Variants in IGFN1 observed in about 807,000 individuals in gnomAD.
IGFN1 encodes the protein immunoglobulin like and fibronectin type III domain containing 1.
In IGFN1, 253 loss-of-function variants were observed where a neutral mutation model predicts 289.5. The observed-to-expected ratio is 0.87, with a 90% CI of 0.79 to 0.97. The LOEUF is 0.97. IGFN1 is among the 50% of genes least tolerant of loss of function. The probability of loss-of-function intolerance (pLI) is 0.00; values close to 1 mark genes in which losing one functional copy is unlikely to be tolerated. For missense variants in IGFN1, 4,470 were observed against 4,686.1 expected, an observed-to-expected ratio of 0.95 and a Z score of 1.35; for synonymous variants, 1,706 against 1,788.5, an observed-to-expected ratio of 0.95 and a Z score of 1.16.
intron 23 of IGFN1, among the ~76,000 whole-genome samples, chr1:201,227,866 T>A (rs6692583): frequency 0.64 from 97,650 of 152,148 alleles, 33,064 homozygotes; most frequent in African/African-American, 0.87. Flanking sequence ...GCATCCGTAT[T>A]GCTGTTTCTT....
chr1:201,224,332 G>A (rs1653940941), intron 20 of IGFN1, among the ~76,000 whole-genome samples: 1 of 152,108 alleles, frequency 6.6e-6, no homozygotes, highest in Non-Finnish European at 1.5e-5. Flanking sequence ...AACTCATTAT[G>A]CTTTCCTGCT....
In IGFN1 at chr1:201,209,884, G is replaced by C; in HGVS notation, c.4991G>C (p.Gly1664Ala). 2.0e-6 allele frequency: 3 copies of C among 1,473,686 alleles called. No individual in the cohort carries two copies. Among genetic ancestry groups the C allele is most frequent in the Non-Finnish European group, 2.7e-6 (3 of 1,104,048 alleles). The allele number at this position is 1,473,686 out of a possible 1,614,324, so 91.3% of individuals were successfully genotyped here. A position where few individuals can be genotyped will look rare whatever the true frequency, so the allele number is the denominator to read the frequency against. Residue 1664 changes from glycine (G) to alanine (A), a missense_variant, in exon 12 of 24, where the codon GGG becomes GCG. Coordinates refer to ENST00000335211, the MANE Select transcript of IGFN1 (RefSeq NM_001164586.2). ...AGFRDGLGSS[G>A]EMGSMDEAGY... ...TTTAGGGATGGTTTAGGGAGTTCTG[G>C]GGAAATGGGGTCAATGGATGAGGCA...
intron 10 of IGFN1, among the ~76,000 whole-genome samples, chr1:201,204,149 C>T (rs1667290793): frequency 6.6e-6 from 1 of 152,200 alleles, no homozygotes; most frequent in Non-Finnish European, 1.5e-5. Context: ...AGACATAGAA[C>T]ATATGTGTCA....
Position 201,226,980 on chromosome 1 carries a change from T to C in IGFN1, c.10885T>C (p.Cys3629Arg). The C allele has an allele frequency of 6.2e-7, 1 of 1,613,220 alleles. No individual in the cohort carries two copies. Residue 3629 changes from cysteine (C) to arginine (R), a missense_variant, in exon 23 of 24, where the codon TGC becomes CGC. Transcript: ENST00000335211. Reference protein sequence around the residue: ...GLRSHLLPQGCECCMSCAVQG... With the variant: ...GLRSHLLPQGRECCMSCAVQG... ...GCGGTCCCACCTGCTGCCCCAGGGC[T>C]GCGAGTGCTGCATGAGCTGTGCCGT... is the stretch of plus-strand genomic sequence containing the variant.
At chr1:201,214,376 A>G (rs760743469) in intron 13 of IGFN1, 75 bp downstream of exon 13, 8 of 1,425,802 alleles carry the variant, frequency 5.6e-6, no homozygotes, top group Non-Finnish European at 7.6e-6. Flanking sequence ...AAGAGCGTAG[A>G]GGCTTTGAAA....
chr1:201,215,917 T>G, intron 15 of IGFN1, 79 bp downstream of exon 15: 3 of 1,348,980 alleles, frequency 2.2e-6, no homozygotes, highest in Non-Finnish European at 3.1e-6. Context: ...AGGGCAGGCC[T>G]GGGATATGAT....
At chr1:201,197,778 A>C (rs534401147) in intron 5 of IGFN1, among the ~76,000 whole-genome samples, 1 of 152,214 alleles carries the variant, frequency 6.6e-6, no homozygotes, top group African/African-American at 2.4e-5. Flanking sequence ...AAAATTGTCA[A>C]CCTGTAGTAA....
rs768462182 is a variant in IGFN1 at position 201,213,340 on chromosome 1, G to A, written c.8447G>A (p.Arg2816Lys). The A allele has an allele frequency of 6.2e-7, 1 of 1,602,640 alleles. No individual in the cohort carries two copies. Residue 2816 changes from arginine (R) to lysine (K), a missense_variant, in exon 12 of 24, where the codon AGG (arginine) becomes AAG (lysine). This residue lies in a region of IGFN1 where 2,218 missense variants were observed against 2,114.1 expected (regional missense o/e 1.05). Transcript: ENST00000335211. ...TCAGGCAGGAGGCCTGGCTCACTCA[G>A]GAGCAGGTCTCAGGCACAGTCAGGG... ...GRSGRRPGSL[R>K]SRSQAQSGAE...
Position 201,217,410 on chromosome 1 carries a change from G to A in IGFN1, c.9719G>A (p.Arg3240His), listed in dbSNP as rs749335154. The part of the protein sequence containing the change: ...AHILGYLIER[R>H]KKGSNTWTAV... ...ATCCTGGGCTACCTGATCGAGAGGC[G>A]TAAGAAGGGGAGCAACACCTGGACG... is the stretch of plus-strand genomic sequence containing the variant. The change falls in exon 17 of 24, where the codon CGT (arginine) becomes CAT (histidine). Residue 3240 changes from arginine (R) to histidine (H), a missense_variant. Coordinates refer to ENST00000335211, the MANE Select transcript of IGFN1 (RefSeq NM_001164586.2). 86 of 1,614,210 alleles carry A rather than the reference G, an allele frequency of 5.3e-5. No homozygotes were observed. In the Middle Eastern group the frequency reaches 8.3e-4, roughly 15 times the overall value.
At chr1:201,196,092 G>A in intron 4 of IGFN1, 114 bp downstream of exon 4, 2 of 1,080,716 alleles carry the variant, frequency 1.9e-6, no homozygotes, top group Non-Finnish European at 1.3e-6. Flanking sequence ...CCTCGTTGAG[G>A]TTGAATCCAT....
intron 5 of IGFN1, 107 bp downstream of exon 5, chr1:201,197,424 C>T (rs1247331827): frequency 8.3e-6 from 6 of 722,110 alleles, no homozygotes; most frequent in Non-Finnish European, 1.4e-5. Flanking sequence ...AAGGGAGGCC[C>T]ATCCAGGCTG....
rs574257559 is a variant in IGFN1 at position 201,199,024 on chromosome 1, C to T, written c.368-310C>T. ...GATACTCTTGAGTTTGTTGTGGTTG[C>T]CAGTGTCTGCTTCACGCATTTATGC... On this transcript the variant is annotated intron_variant, in intron 5 of 23. Transcript: ENST00000335211. Among the ~76,000 whole-genome samples the T allele has an allele frequency of 1.5e-4, 23 of 152,306 alleles. No homozygotes were observed. In the South Asian group the frequency reaches 4.8e-3, roughly 32 times the overall value.
chr1:201,219,027 G>T (rs1214589809), intron 18 of IGFN1, among the ~76,000 whole-genome samples: 2 of 148,934 alleles, frequency 1.3e-5, no homozygotes, highest in Non-Finnish European at 3.0e-5. Flanking sequence ...GACAGAGGGA[G>T]ACCCTGTTAC....
chr1:201,214,893 G>A lies in IGFN1; in HGVS notation c.8854-120G>A. On this transcript the variant is annotated intron_variant, in intron 13 of 23. Coordinates refer to ENST00000335211, the MANE Select transcript of IGFN1 (RefSeq NM_001164586.2). ...CACAGAGAGCATTGGCACACAATAAGCATTCCATTCACACAGCTGTTATCA... is the reference window on the plus strand; with the variant it reads ...CACAGAGAGCATTGGCACACAATAAACATTCCATTCACACAGCTGTTATCA... 5.1e-6 allele frequency: 5 copies of A among 982,104 alleles called. No homozygotes were observed. In the East Asian group the frequency reaches 7.8e-5, roughly 15 times the overall value. The allele number at this position is 982,104 out of a possible 1,614,324, so 60.8% of individuals were successfully genotyped here.
At chr1:201,227,936 A>C (rs1159429855) in intron 23 of IGFN1, among the ~76,000 whole-genome samples, 1 of 152,230 alleles carries the variant, frequency 6.6e-6, no homozygotes, top group African/African-American at 2.4e-5. Flanking sequence ...TCTCATTGGT[A>C]GTCTCCTTTT....
rs2102349125 is a variant in IGFN1 at position 201,212,730 on chromosome 1, T to A, written c.7837T>A (p.Ser2613Thr). Residue 2613 changes from serine to threonine, a missense_variant, in exon 12 of 24, where the codon TCA becomes ACA. Coordinates refer to ENST00000335211, the MANE Select transcript of IGFN1 (RefSeq NM_001164586.2). ...GCCTGGGGGAAGGGGCAAGTCAACATCAGGGCCTGCTGATAGACAAGGGAC... is the reference window on the plus strand; with the variant it reads ...GCCTGGGGGAAGGGGCAAGTCAACAACAGGGCCTGCTGATAGACAAGGGAC... ...SMPGGRGKST[S>T]GPADRQGTSN... The A allele has an allele frequency of 6.4e-7, 1 of 1,551,318 alleles. No homozygotes were observed. The highest frequency in any genetic ancestry group is 8.7e-7 in the Non-Finnish European group (1 of 1,146,820).
At chr1:201,205,944 T>C (rs1188083264) in intron 11 of IGFN1, 139 bp from the exon 12 acceptor site, 5 of 656,070 alleles carry the variant, frequency 7.6e-6, no homozygotes, top group Non-Finnish European at 1.3e-5. Flanking sequence ...TCACCTTGCT[T>C]CTCTCCTGGG....
In IGFN1 at chr1:201,215,130, A is replaced by G; in HGVS notation, c.8971A>G (p.Ser2991Gly). ...CACCTTTGTAGCTGGTGACCAGCAG[A>G]GCGAGGCCACCCTGACCGTCCAGGG... ...RYTFVAGDQQSEATLTVQDSP... is the reference protein window; with the variant it reads ...RYTFVAGDQQGEATLTVQDSP... Residue 2991 changes from serine (S) to glycine (G), a missense_variant, in exon 14 of 24, where the codon AGC becomes GGC. By Grantham distance (56) the Ser-to-Gly change is moderately conservative. Transcript: ENST00000335211. 1.9e-6 allele frequency: 3 copies of G among 1,613,628 alleles called. No homozygotes were observed. The highest frequency in any genetic ancestry group is 2.5e-6 in the Non-Finnish European group (3 of 1,179,990).
rs1654223682 is a variant in IGFN1, at chr1:201,227,962, A to G, written c.11114-424A>G. ...GTCTCCTTTTCAGTAGCACAGATATATATGTTAATAAAGGTTTTTCCTTCG... is the reference window on the plus strand; with the variant it reads ...GTCTCCTTTTCAGTAGCACAGATATGTATGTTAATAAAGGTTTTTCCTTCG... On this transcript the variant is annotated intron_variant, in intron 23 of 23. Coordinates refer to ENST00000335211, the MANE Select transcript of IGFN1 (RefSeq NM_001164586.2). 1.3e-5 allele frequency among the ~76,000 whole-genome samples: 2 copies of G among 152,216 alleles called. 1 individual carries two copies. The highest frequency in any genetic ancestry group is 4.1e-4 in the South Asian group (2 of 4,834).
Sources: allele counts gnomAD v4.1 joint callset (sites outside exome capture counted in the v4.1 genomes callset), GRCh38; gene constraint gnomAD v4.1.1; regional missense constraint gnomAD v4.1.1; transcripts MANE v1.5; gene names NCBI Gene and HGNC (gene_info 2026-07-23, HGNC 2026-07-21).